Variants in STRA6 observed in about 807,000 individuals in gnomAD.
The protein encoded by STRA6 is signaling receptor and transporter of retinol STRA6.
Under a neutral mutation model 83.6 loss-of-function variants are expected in STRA6, and 48 were observed. That is an observed-to-expected ratio of 0.57 (90% CI 0.46 to 0.73). STRA6 has a LOEUF of 0.73. Ranked by LOEUF, STRA6 falls within the 30% of genes least tolerant of loss-of-function variation. The pLI is 0.00. For missense variants in STRA6, 760 were observed against 838.8 expected (o/e 0.91, Z 1.16); for synonymous variants, 353 against 362.3 (o/e 0.97, Z 0.29).
At position 74,195,662 on chromosome 15, in the gene STRA6, C is replaced by T. The variant is rs2073779012; in HGVS notation, c.420G>A (p.Glu140=). 1.4e-6 allele frequency: 2 copies of T among 1,444,944 alleles called. No individual in the cohort carries two copies. The highest frequency in any genetic ancestry group is 9.5e-7 in the Non-Finnish European group (1 of 1,049,670). The allele number at this position is 1,444,944 out of a possible 1,614,324, so 89.5% of individuals were successfully genotyped here. Residue 140 remains glutamate, a synonymous_variant, in exon 6 of 19, where the codon GAG becomes GAA. Coordinates refer to ENST00000395105, the MANE Select transcript of STRA6 (RefSeq NM_022369.4). ...ASAPSQDGKT[E]APRGAWKILG... is the part of the protein sequence containing the mutation. The stretch of plus-strand genomic sequence containing the variant: ...TCTTGGGCAAGTTACCTCTTGGAGC[C>T]TCAGTTTTCCCATCTGTAAAATGAA...
At chr15:74,183,552 A>G (rs2073093912) in intron 14 of STRA6, 1 of 1,235,530 alleles carries the variant, frequency 8.1e-7, no homozygotes, top group Non-Finnish European at 1.0e-6. Context: ...CCAGGAATGT[A>G]CCATTTTGAA....
chr15:74,198,040 A>C (rs2073901046), intron 2 of STRA6, among the ~76,000 whole-genome samples: 1 of 151,868 alleles, frequency 6.6e-6, no homozygotes, highest in Admixed American at 6.6e-5. Context: ...TGGGGTTATA[A>C]GACTAAAGGA....
At chr15:74,191,095 C>T (rs753387273) in intron 10 of STRA6, 72 bp downstream of exon 10, 7 of 1,589,036 alleles carry the variant, frequency 4.4e-6, no homozygotes, top group Admixed American at 3.6e-5. Context: ...AGCCAGTCCT[C>T]CACTGCAGCC....
Position 74,183,979 on chromosome 15 carries a change from G to A in STRA6, c.1177C>T (p.Arg393Ter), listed in dbSNP as rs1333215977. Residue 393 changes from arginine (R) to a stop codon, truncating the protein, a stop_gained, in exon 14 of 19, where the codon CGA becomes TGA. Transcript: ENST00000395105. LOFTEE classifies it high-confidence loss of function. ...AGGGCAGCTCCTCGGTGCAGAGCTCGAAGGTTGGTCCTGGGGTGGGAGCCA... is the reference window on the plus strand; with the variant it reads ...AGGGCAGCTCCTCGGTGCAGAGCTCAAAGGTTGGTCCTGGGGTGGGAGCCA... ...RSLVTHRTNL[R>*]ALHRGAALDL... 9 of 1,613,190 alleles carry A rather than the reference G, an allele frequency of 5.6e-6. No homozygotes were observed. Among genetic ancestry groups the A allele is most frequent in the Non-Finnish European group, 6.8e-6 (8 of 1,180,024 alleles).
upstream of STRA6, among the ~76,000 whole-genome samples, chr15:74,203,692 A>G (rs1269699419): frequency 1.3e-5 from 2 of 152,240 alleles, no homozygotes; most frequent in Non-Finnish European, 2.9e-5. Context: ...GAGAGATGAC[A>G]GTTCAGCGGG....
chr15:74,209,653 T>G (rs978762022), upstream of STRA6: 1 of 570,436 alleles, frequency 1.8e-6, no homozygotes, highest in Non-Finnish European at 3.1e-6. Context: ...AGTACATGCC[T>G]GCAACCTCCA....
chr15:74,195,560 T>C (rs2073773074), intron 6 of STRA6, 92 bp from the exon 7 acceptor site: 1 of 1,573,242 alleles, frequency 6.4e-7, no homozygotes, highest in South Asian at 1.2e-5. Context: ...GGTCTCCAGC[T>C]TCCAAGCCCT....
chr15:74,191,656 C>T, intron 8 of STRA6, 165 bp from the exon 9 acceptor site: 1 of 679,686 alleles, frequency 1.5e-6, no homozygotes, highest in Admixed American at 2.1e-5. Context: ...GGGATGAGGT[C>T]CGTGCCCTCC....
Position 74,190,865 on chromosome 15 carries a change from G to A in STRA6, c.902C>T (p.Thr301Ile), listed in dbSNP as rs139450204. The A allele has an allele frequency of 3.3e-4, 527 of 1,614,132 alleles. No homozygotes were observed. The highest frequency in any genetic ancestry group is 3.0e-3 in the Middle Eastern group (18 of 6,062). ...HLPLKLVLSA[T>I]LTGTAIYQVA... is the part of the protein sequence containing the mutation. ...CTGGTAAATGGCCGTCCCTGTCAGT[G>A]TAGCTGAAAGCACCAGCTTCAGCGG... Residue 301 changes from threonine (T) to isoleucine (I), a missense_variant, in exon 11 of 19, where the codon ACA becomes ATA. Physicochemically the swap from Thr to Ile is moderately conservative, Grantham distance 89. Transcript: ENST00000395105.
In STRA6 at chr15:74,194,446, A is replaced by G. The variant is rs186502306; in HGVS notation, c.598-524T>C. ...GTATGTGCCAGGTTCTAGGTGGTGA[A>G]AAAAAGCCACCAAGTTCCCCCTCTC... On this transcript the variant is annotated intron_variant, in intron 7 of 18. Transcript: ENST00000395105. 5.4e-3 allele frequency: 5,354 copies of G among 986,212 alleles called. 25 individuals are homozygous for G. Among genetic ancestry groups the G allele is most frequent in the Non-Finnish European group, 6.1e-3 (5,003 of 816,334 alleles). The allele number at this position is 986,212 out of a possible 1,614,324, so 61.1% of individuals were successfully genotyped here.
chr15:74,205,108 G>A (rs943326874), upstream of STRA6, among the ~76,000 whole-genome samples: 1 of 152,196 alleles, frequency 6.6e-6, no homozygotes, highest in African/African-American at 2.4e-5. Flanking sequence ...AGTGAAGTGG[G>A]GGAAGAGAAG....
chr15:74,194,243 G>C (rs890722784), intron 7 of STRA6: 1 of 802,560 alleles, frequency 1.2e-6, no homozygotes, highest in African/African-American at 1.8e-5. Context: ...TGTTCCCGGA[G>C]CATTAGGAAC....
rs1001075204 is a variant in STRA6 at position 74,197,954 on chromosome 15, C to G, written c.114-136G>C. The G allele has an allele frequency of 1.1e-4, 94 of 882,742 alleles. 1 individual carries two copies. The highest frequency in any genetic ancestry group is 5.0e-4 in the Admixed American group (25 of 49,682). 54.7% of individuals were successfully genotyped at this position (882,742 alleles called of 1,614,324 possible). The stretch of plus-strand genomic sequence containing the variant: ...AACCCTCTGATCCCTCCTACACAAG[C>G]CTTCCCAGTCCCACCTTCTCAGGGT... On this transcript the variant is annotated intron_variant, in intron 2 of 18. Transcript: ENST00000395105.
At chr15:74,203,190 A>C (rs2074163900), upstream of STRA6, 1 of 982,550 alleles carries the variant, frequency 1.0e-6, no homozygotes. Flanking sequence ...AGGAGGCAAC[A>C]TGTGTCTCAT....
At chr15:74,185,769 CAGA>C (rs1486510979) in intron 12 of STRA6, among the ~76,000 whole-genome samples, 1 of 152,258 alleles carries the variant, frequency 6.6e-6, no homozygotes, top group African/African-American at 2.4e-5. Flanking sequence ...CAAGGTTAGA[CAGA>C]AGAACTGTTC....
At chr15:74,208,134 G>A (rs968962904) in intron 1 of STRA6, 1 of 972,574 alleles carries the variant, frequency 1.0e-6, no homozygotes, top group Non-Finnish European at 1.3e-6. Context: ...TGCCAGGGGA[G>A]CAGCATGTTC....
At chr15:74,189,481 C>T (rs1259714456) in intron 11 of STRA6, among the ~76,000 whole-genome samples, 1 of 152,170 alleles carries the variant, frequency 6.6e-6, no homozygotes, top group African/African-American at 2.4e-5. Flanking sequence ...CCTAATAGGC[C>T]AAAGGCATGC....
chr15:74,189,398 T>C lies in STRA6; in HGVS notation c.928-121A>G, dbSNP rs981037910. ...CAGCCACATGCCCATTGCCCATCAGTGTTCTTATCTGCCCCTTAGAGCAGG... is the reference window on the plus strand; with the variant it reads ...CAGCCACATGCCCATTGCCCATCAGCGTTCTTATCTGCCCCTTAGAGCAGG... On this transcript the variant is annotated intron_variant, in intron 11 of 18. Transcript: ENST00000395105. The C allele has an allele frequency of 2.9e-6, 4 of 1,373,546 alleles. No homozygotes were observed. The African/African-American group carries it at 5.7e-5, about 20-fold the overall frequency. 85.1% of individuals were successfully genotyped at this position (1,373,546 alleles called of 1,614,324 possible).
chr15:74,207,997 C>A (rs753493784), intron 1 of STRA6: 27 of 1,403,788 alleles, frequency 1.9e-5, no homozygotes, highest in Admixed American at 8.6e-5. Flanking sequence ...GAAGCACCAT[C>A]TGATGTGCCC....
Sources: allele counts gnomAD v4.1 joint callset (sites outside exome capture counted in the v4.1 genomes callset), GRCh38; gene constraint gnomAD v4.1.1; transcripts MANE v1.5; gene names NCBI Gene and HGNC (gene_info 2026-07-23, HGNC 2026-07-21).